MEIKIN: variants seen among roughly 807,000 people sequenced by gnomAD.
MEIKIN encodes meiosis-specific kinetochore protein.
At chr5:131,943,204 A>AAAT (rs1187736303) in intron 3 of MEIKIN, among the ~76,000 whole-genome samples, 2 of 152,224 alleles carry the variant, frequency 1.3e-5, no homozygotes, top group Non-Finnish European at 2.9e-5. Context: ...TTGAGAAAAA[A>AAAT]AATATCGACT....
chr5:131,835,363 T>C (rs1327469774), intron 11 of MEIKIN, among the ~76,000 whole-genome samples: 1 of 152,146 alleles, frequency 6.6e-6, no homozygotes, highest in Non-Finnish European at 1.5e-5. Context: ...AGCCTTTTTA[T>C]TCAATGTAGT....
chr5:131,834,288 CCA>C (rs1420856526), intron 11 of MEIKIN, among the ~76,000 whole-genome samples: 5 of 152,080 alleles, frequency 3.3e-5, no homozygotes. Context: ...GTAAGAAGTA[CCA>C]CAATCAAATT....
At chr5:131,845,012 T>G (rs1342997822) in intron 11 of MEIKIN, among the ~76,000 whole-genome samples, 1 of 152,182 alleles carries the variant, frequency 6.6e-6, no homozygotes, top group East Asian at 1.9e-4. Flanking sequence ...GGCTCACGCC[T>G]ATAATCCCAG....
intron 11 of MEIKIN, among the ~76,000 whole-genome samples, chr5:131,831,651 T>C (rs976389743): frequency 6.6e-6 from 1 of 152,220 alleles, no homozygotes; most frequent in Non-Finnish European, 1.5e-5. Context: ...TGATTGTAAC[T>C]GTATTAGTCT....
At chr5:131,850,537 A>G (rs1750095356) in intron 11 of MEIKIN, among the ~76,000 whole-genome samples, 1 of 152,172 alleles carries the variant, frequency 6.6e-6, no homozygotes, top group Admixed American at 6.6e-5. Context: ...ATATGGTTAA[A>G]TGATTTTTGG....
chr5:131,809,248 G>A (rs1340411755), intron 12 of MEIKIN, among the ~76,000 whole-genome samples: 1 of 152,062 alleles, frequency 6.6e-6, no homozygotes, highest in East Asian at 1.9e-4. Flanking sequence ...CCAAATAACT[G>A]GAGAACTTCA....
At chr5:131,863,315 C>A (rs1750319730) in intron 9 of MEIKIN, among the ~76,000 whole-genome samples, 1 of 152,086 alleles carries the variant, frequency 6.6e-6, no homozygotes. Flanking sequence ...TCCATTTGGT[C>A]TAAAGTCCAG....
intron 11 of MEIKIN, among the ~76,000 whole-genome samples, chr5:131,838,383 G>T (rs1432897795): frequency 6.6e-6 from 1 of 151,986 alleles, no homozygotes; most frequent in African/African-American, 2.4e-5. Context: ...AAGTTAGAGG[G>T]GAGTCCCTCA....
intron 8 of MEIKIN, among the ~76,000 whole-genome samples, chr5:131,910,172 T>C (rs933355164): frequency 1.3e-5 from 2 of 152,160 alleles, no homozygotes; most frequent in Non-Finnish European, 2.9e-5. Flanking sequence ...GCAACCTAAG[T>C]GTCCATCAAC....
chr5:131,923,802 T>G (rs1751545688), intron 5 of MEIKIN, among the ~76,000 whole-genome samples: 1 of 152,044 alleles, frequency 6.6e-6, no homozygotes, highest in South Asian at 2.1e-4. Flanking sequence ...TTTAAAAGTT[T>G]AAACATTTTA....
chr5:131,937,040 T>G (rs1264329745), intron 4 of MEIKIN, among the ~76,000 whole-genome samples: 3 of 152,174 alleles, frequency 2.0e-5, no homozygotes, highest in Non-Finnish European at 4.4e-5. Flanking sequence ...TTGGACTGTT[T>G]GTCCTCTATG....
intron 5 of MEIKIN, among the ~76,000 whole-genome samples, chr5:131,922,978 G>A (rs946529469): frequency 2.6e-5 from 4 of 152,144 alleles, no homozygotes; most frequent in African/African-American, 7.2e-5. Context: ...TGCAACCTCC[G>A]GTTCCTGGGT....
At chr5:131,908,206 A>G (rs1354925364) in intron 8 of MEIKIN, among the ~76,000 whole-genome samples, 2 of 152,216 alleles carry the variant, frequency 1.3e-5, no homozygotes, top group East Asian at 3.8e-4. Flanking sequence ...AACTGAATTC[A>G]ACAACATATT....
At chr5:131,874,911 G>C (rs1750583577) in intron 9 of MEIKIN, among the ~76,000 whole-genome samples, 1 of 152,166 alleles carries the variant, frequency 6.6e-6, no homozygotes, top group Non-Finnish European at 1.5e-5. Context: ...TTATCTCAAA[G>C]ATGCAGAAAA....
intron 5 of MEIKIN, among the ~76,000 whole-genome samples, chr5:131,927,864 G>A (rs925177873): frequency 5.3e-5 from 8 of 151,968 alleles, no homozygotes; most frequent in East Asian, 1.9e-4. Flanking sequence ...AAAGAGGATC[G>A]GCCGGGCGCG....
chr5:131,816,263 A>G (rs972067377), intron 12 of MEIKIN, among the ~76,000 whole-genome samples: 5 of 152,224 alleles, frequency 3.3e-5, no homozygotes, highest in Non-Finnish European at 5.9e-5. Flanking sequence ...GTGTGTGACA[A>G]CTTGCCTAGG....
intron 11 of MEIKIN, among the ~76,000 whole-genome samples, chr5:131,828,150 G>A (rs1166709981): frequency 1.3e-5 from 2 of 152,056 alleles, no homozygotes; most frequent in Non-Finnish European, 1.5e-5. Context: ...AGTACAAAAG[G>A]TTTAATATAA....
intron 9 of MEIKIN, among the ~76,000 whole-genome samples, chr5:131,873,027 C>G (rs1191025584): frequency 1.4e-5 from 2 of 142,902 alleles, no homozygotes. Context: ...ACAACTGGTA[C>G]CAGCCACTGC....
At chr5:131,928,440 G>C (rs1285854855) in intron 5 of MEIKIN, among the ~76,000 whole-genome samples, 1 of 151,720 alleles carries the variant, frequency 6.6e-6, no homozygotes, top group African/African-American at 2.4e-5. Flanking sequence ...TGTTTGTGTT[G>C]ACCATCGGGC....
Sources: allele counts gnomAD v4.1 joint callset (sites outside exome capture counted in the v4.1 genomes callset), GRCh38; gene constraint gnomAD v4.1.1; transcripts MANE v1.5; gene names NCBI Gene and HGNC (gene_info 2026-07-23, HGNC 2026-07-21).